The following NPSR1 variants were observed in gnomAD, a reference collection of about 807,000 sequenced individuals.
NPSR1 encodes neuropeptide S receptor.
A neutral mutation model predicts 46.9 loss-of-function variants in NPSR1; 48 were observed. The observed-to-expected ratio is 1.02, with a 90% confidence interval of 0.81 to 1.30. NPSR1 has a LOEUF of 1.30. Among genes scored for constraint, NPSR1 ranks in the 50% most tolerant of loss-of-function variants. The pLI is 0.00. For missense variants in NPSR1, 450 were observed against 449.5 expected (o/e 1.00, Z -0.01); for synonymous variants, 176 against 168.1 (o/e 1.05, Z -0.36).
intron 2 of NPSR1, among the ~76,000 whole-genome samples, chr7:34,686,520 CAT>C (rs1232152244): frequency 2.6e-5 from 4 of 152,152 alleles, no homozygotes; most frequent in African/African-American, 9.7e-5. Context: ...TGCTTTGAGA[CAT>C]ATATAAAAAT....
chr7:34,834,657 G>T (rs547605832), intron 6 of NPSR1, among the ~76,000 whole-genome samples, 197 bp downstream of exon 6: 22 of 152,270 alleles, frequency 1.4e-4, no homozygotes, highest in African/African-American at 4.1e-4. Flanking sequence ...TGAAATCTAG[G>T]AGAAGGAAGG....
chr7:34,689,958 A>T lies in NPSR1; in HGVS notation c.280+5274A>T, dbSNP rs992120501. 7.7e-5 allele frequency among the ~76,000 whole-genome samples: 9 copies of T among 117,434 alleles called. No homozygotes were observed. The South Asian group carries it at 1.3e-3, about 17-fold the overall frequency. The allele number at this position is 117,434 out of a possible 152,430, so 77.0% of individuals were successfully genotyped here. ...GGACCCTGTCTCTAAAAAAAATTAA[A>T]AAAAAAAAAAGGAAAAGAAAAGAAA... On this transcript the variant is annotated intron_variant, in intron 2 of 8. Coordinates refer to ENST00000360581, the MANE Select transcript of NPSR1 (RefSeq NM_207172.2).
chr7:34,774,613 G>T (rs1172202255), intron 2 of NPSR1, among the ~76,000 whole-genome samples: 1 of 152,176 alleles, frequency 6.6e-6, no homozygotes, highest in Admixed American at 6.5e-5. Flanking sequence ...AAAATGGATG[G>T]CATTGCTTCA....
intron 3 of NPSR1, among the ~76,000 whole-genome samples, chr7:34,792,355 C>T (rs2128744063): frequency 6.6e-6 from 1 of 151,550 alleles, no homozygotes; most frequent in Admixed American, 6.6e-5. Flanking sequence ...TTAGAAACAT[C>T]TACAACTCAA....
intron 6 of NPSR1, among the ~76,000 whole-genome samples, chr7:34,838,282 T>C (rs965492609): frequency 4.6e-5 from 7 of 152,188 alleles, no homozygotes; most frequent in African/African-American, 1.7e-4. Context: ...CCCACTGATA[T>C]AGAGTATGCC....
At chr7:34,714,368 T>C (rs1783456490) in intron 2 of NPSR1, among the ~76,000 whole-genome samples, 2 of 152,174 alleles carry the variant, frequency 1.3e-5, no homozygotes, top group South Asian at 4.1e-4. Context: ...ACTTGGCTCA[T>C]TGGGGGCCAT....
intron 2 of NPSR1, among the ~76,000 whole-genome samples, chr7:34,727,100 G>A (rs907120813): frequency 1.3e-5 from 2 of 152,098 alleles, no homozygotes; most frequent in Admixed American, 6.6e-5. Flanking sequence ...AGGGAGTGGG[G>A]GTTGTGCATG....
intron 7 of NPSR1, among the ~76,000 whole-genome samples, chr7:34,845,856 A>G (rs749617348): frequency 3.3e-5 from 5 of 152,154 alleles, no homozygotes; most frequent in Non-Finnish European, 7.4e-5. Context: ...AAGGAAAGGG[A>G]TTTGTGCTAT....
chr7:34,711,540 G>T (rs529461863), intron 2 of NPSR1: 2 of 151,510 alleles, frequency 1.3e-5, no homozygotes, highest in East Asian at 3.9e-4. Flanking sequence ...GACTGCTTTC[G>T]ATTTGAAAAA....
intron 2 of NPSR1, among the ~76,000 whole-genome samples, chr7:34,775,222 A>G (rs1786898281): frequency 6.6e-6 from 1 of 152,200 alleles, no homozygotes; most frequent in Admixed American, 6.5e-5. Context: ...ATTATGACAG[A>G]TGTTTGAAGA....
Position 34,684,627 on chromosome 7 carries a change from T to A in NPSR1, c.223T>A (p.Trp75Arg), listed in dbSNP as rs781296883. 1 of 1,613,836 alleles carries A rather than the reference T, an allele frequency of 6.2e-7. No individual in the cohort carries two copies. Among genetic ancestry groups the A allele is most frequent in the South Asian group, 1.1e-5 (1 of 91,052 alleles). ...AAACTCCGTTGTGCTTTTTTCCACA[T>A]GGAGGAGAAAGAAGAAGTCAAGAAT... ...VGNSVVLFST[W>R]RRKKKSRMTF... is the part of the protein sequence containing the mutation. Residue 75 changes from tryptophan (W) to arginine (R), a missense_variant, in exon 2 of 9, where the codon TGG (tryptophan) becomes AGG (arginine). Coordinates refer to ENST00000360581, the MANE Select transcript of NPSR1 (RefSeq NM_207172.2).
At chr7:34,817,715 C>T (rs948862177) in intron 4 of NPSR1, among the ~76,000 whole-genome samples, 1 of 151,478 alleles carries the variant, frequency 6.6e-6, no homozygotes, top group African/African-American at 2.4e-5. Context: ...AAAAGCTTAT[C>T]CACCATGATC....
intron 1 of NPSR1, among the ~76,000 whole-genome samples, chr7:34,675,812 C>A (rs776002406): frequency 6.6e-6 from 1 of 152,236 alleles, no homozygotes; most frequent in Non-Finnish European, 1.5e-5. Flanking sequence ...GGTGAAAAGC[C>A]AATCAGTCAT....
At chr7:34,751,016 G>A (rs1785494036) in intron 2 of NPSR1, 1 of 771,712 alleles carries the variant, frequency 1.3e-6, no homozygotes, top group African/African-American at 1.7e-5. Flanking sequence ...TCTTGGCCAG[G>A]GCAGCAATTT....
intron 2 of NPSR1, among the ~76,000 whole-genome samples, chr7:34,687,033 T>C (rs999157813): frequency 1.3e-5 from 2 of 151,480 alleles, no homozygotes; most frequent in Non-Finnish European, 2.9e-5. Context: ...CTCTCTCTTC[T>C]AAATGTCTAG....
downstream of NPSR1, among the ~76,000 whole-genome samples, chr7:34,850,346 C>G (rs1407656422): frequency 6.6e-6 from 1 of 151,110 alleles, no homozygotes; most frequent in African/African-American, 2.4e-5. Context: ...CCATGGGCCC[C>G]TGACTTCCAG....
At chr7:34,809,714 C>T (rs1479742374) in intron 3 of NPSR1, among the ~76,000 whole-genome samples, 3 of 151,980 alleles carry the variant, frequency 2.0e-5, no homozygotes, top group African/African-American at 4.8e-5. Context: ...CCACCCGCCT[C>T]GGCCTCCCAA....
intron 1 of NPSR1, among the ~76,000 whole-genome samples, chr7:34,684,313 C>T (rs1792808581): frequency 6.6e-6 from 1 of 152,120 alleles, no homozygotes; most frequent in Admixed American, 6.5e-5. Context: ...ATTACCTGAC[C>T]AAAGAATACA....
intron 3 of NPSR1, among the ~76,000 whole-genome samples, chr7:34,789,740 C>CAAAAAAAAAAAA (rs751424409): frequency 2.2e-5 from 1 of 45,348 alleles, no homozygotes; most frequent in African/African-American, 8.8e-5. Flanking sequence ...TTGCAGTGCG[C>CAAAAAAAAAAAA]AAAAAAAAAA....
Sources: allele counts gnomAD v4.1 joint callset (sites outside exome capture counted in the v4.1 genomes callset), GRCh38; gene constraint gnomAD v4.1.1; transcripts MANE v1.5; gene names NCBI Gene and HGNC (gene_info 2026-07-23, HGNC 2026-07-21).